The following DNAAF4 variants were observed in gnomAD, a reference collection of about 807,000 sequenced individuals.
The protein encoded by DNAAF4 is dynein axonemal assembly factor 4.
In DNAAF4, 43 loss-of-function variants were observed where a neutral mutation model predicts 51.8. The ratio of observed to expected loss-of-function variants is 0.83; its 90% CI spans 0.65 to 1.07. The LOEUF (loss-of-function observed/expected upper bound fraction) is 1.07, where lower values mean the gene tolerates loss of function less well. DNAAF4 is among the 50% of genes least tolerant of loss of function. DNAAF4 has a pLI of 0.00. For missense variants in DNAAF4, 581 were observed against 493.0 expected, an observed-to-expected ratio of 1.18 and a Z score of -1.69; for synonymous variants, 194 against 165.6, an observed-to-expected ratio of 1.17 and a Z score of -1.32.
intron 6 of DNAAF4, chr15:55,442,844 C>T (rs750581084): frequency 7.6e-5 from 123 of 1,612,704 alleles, no homozygotes; most frequent in Non-Finnish European, 1.0e-4. Context: ...ATTCCCCCAG[C>T]CATCATTGCA....
chr15:55,489,542 G>A (rs1595950178), intron 4 of DNAAF4, among the ~76,000 whole-genome samples: 1 of 151,888 alleles, frequency 6.6e-6, no homozygotes, highest in Non-Finnish European at 1.5e-5. Context: ...AGGCGTGGTG[G>A]TGCACATCTG....
rs1307281123 is a variant in DNAAF4, at chr15:55,491,297, A to C, written c.272-41T>G. 3 of 1,577,850 alleles carry C rather than the reference A, an allele frequency of 1.9e-6. No individual in the cohort carries two copies. The Admixed American group carries it at 5.4e-5, about 28-fold the overall frequency. On this transcript the variant is annotated intron_variant, in intron 3 of 9. Coordinates refer to ENST00000321149, the MANE Select transcript of DNAAF4 (RefSeq NM_130810.4). ...TATTGCTAAATTAGAATTATGACAAATTTGCTTTACTTATGAGAAAACTAC... is the reference window on the plus strand; with the variant it reads ...TATTGCTAAATTAGAATTATGACAACTTTGCTTTACTTATGAGAAAACTAC...
At position 55,501,070 on chromosome 15, in the gene DNAAF4, G is replaced by T. The variant is rs193254803; in HGVS notation, c.-255-2486C>A. ...TATTGGAGTAAGAAAGGATTTTTTTGTTGTTGTTTTTTCAGACGGAGTCTC... is the reference window on the plus strand; with the variant it reads ...TATTGGAGTAAGAAAGGATTTTTTTTTTGTTGTTTTTTCAGACGGAGTCTC... On this transcript the variant is annotated intron_variant, in intron 1 of 9. Transcript: ENST00000321149. 7.4e-3 allele frequency among the ~76,000 whole-genome samples: 1,106 copies of T among 149,738 alleles called. 15 individuals are homozygous for T. Among genetic ancestry groups the T allele is most frequent in the Non-Finnish European group, 0.012 (820 of 67,422 alleles).
At position 55,494,031 on chromosome 15, in the gene DNAAF4, GT is replaced by G. The variant is rs58176526; in HGVS notation, c.272-2776del. Among the ~76,000 whole-genome samples the G allele has an allele frequency of 7.3e-3, 1,003 of 138,068 alleles. 3 individuals are homozygous for G. The highest frequency in any genetic ancestry group is 0.012 in the Non-Finnish European group (739 of 62,954). 90.6% of individuals were successfully genotyped at this position (138,068 alleles called of 152,430 possible). ...CAAAACTGAGTTTGATTTCTTTCTT[GT>G]TTTTTTTTTTTTTTGAGACTGAGTT... On this transcript the variant is annotated intron_variant, in intron 3 of 9. Transcript: ENST00000321149.
intron 1 of DNAAF4, among the ~76,000 whole-genome samples, chr15:55,502,284 T>C (rs1397741272): frequency 6.6e-6 from 1 of 152,132 alleles, no homozygotes; most frequent in African/African-American, 2.4e-5. Flanking sequence ...GCAAGGGTAA[T>C]TCTATTGATG....
rs1254074541 is a variant in DNAAF4 at position 55,455,216 on chromosome 15, T to TAA, written c.638-4850_638-4849insTT. Among the ~76,000 whole-genome samples, 3 of 149,880 alleles carry TAA rather than the reference T, an allele frequency of 2.0e-5. No homozygotes were observed. The East Asian group carries it at 5.8e-4, about 29-fold the overall frequency. ...GCCTTAAAACAACAGGTATTTCTCT[T>TAA]ATCTAACTATATTGTTTCAAATAGT... On this transcript the variant is annotated intron_variant, in intron 5 of 9. Coordinates refer to ENST00000321149, the MANE Select transcript of DNAAF4 (RefSeq NM_130810.4).
intron 4 of DNAAF4, among the ~76,000 whole-genome samples, chr15:55,470,100 G>A (rs1257927206): frequency 1.3e-5 from 2 of 151,240 alleles, no homozygotes; most frequent in African/African-American, 4.9e-5. Context: ...TGCCCAGGCT[G>A]GAGTGCAGTG....
intron 6 of DNAAF4, among the ~76,000 whole-genome samples, chr15:55,446,301 G>GGA (rs555771971): frequency 9.0e-5 from 6 of 66,920 alleles, no homozygotes; most frequent in African/African-American, 3.9e-4. Flanking sequence ...CCAGACGGGG[G>GGA]GGGGGGGCAG....
intron 5 of DNAAF4, among the ~76,000 whole-genome samples, chr15:55,454,378 G>A (rs2057985528): frequency 6.6e-6 from 1 of 151,712 alleles, no homozygotes; most frequent in Non-Finnish European, 1.5e-5. Flanking sequence ...ATATTTGTTT[G>A]TTTTTGTTTT....
At chr15:55,437,581 G>C (rs1315673017) in intron 7 of DNAAF4, among the ~76,000 whole-genome samples, 1 of 152,044 alleles carries the variant, frequency 6.6e-6, no homozygotes, top group South Asian at 2.1e-4. Flanking sequence ...AAAGGACTTT[G>C]CACATGTGAA....
intron 6 of DNAAF4, chr15:55,443,492 G>A (rs2057748175): frequency 5.8e-6 from 3 of 515,618 alleles, no homozygotes; most frequent in Non-Finnish European, 1.0e-5. Flanking sequence ...ATTGTGAATA[G>A]TGCTGCAATA....
chr15:55,487,880 G>A (rs972498346), intron 4 of DNAAF4, among the ~76,000 whole-genome samples: 6 of 152,080 alleles, frequency 3.9e-5, no homozygotes, highest in African/African-American at 1.4e-4. Context: ...CTCTTTCCAA[G>A]AAGTATAGTC....
Position 55,430,489 on chromosome 15 carries a change from C to G in DNAAF4, c.*181G>C, listed in dbSNP as rs2057475815. ...TAAAATAGATTCTTATTTAGATTTA[C>G]TTATTCAGAAATGATTCAAGTCAAA... On this transcript the variant is annotated 3_prime_UTR_variant, in exon 10 of 10. Coordinates refer to ENST00000321149, the MANE Select transcript of DNAAF4 (RefSeq NM_130810.4). The G allele has an allele frequency of 8.7e-7, 1 of 1,146,296 alleles. No individual in the cohort carries two copies. The highest frequency in any genetic ancestry group is 1.1e-6 in the Non-Finnish European group (1 of 915,628). 71.0% of individuals were successfully genotyped at this position (1,146,296 alleles called of 1,614,324 possible).
chr15:55,494,892 A>C (rs989802331), intron 3 of DNAAF4, among the ~76,000 whole-genome samples: 2 of 152,176 alleles, frequency 1.3e-5, no homozygotes, highest in African/African-American at 2.4e-5. Context: ...AATTAGATGA[A>C]ATTCAAATTT....
intron 4 of DNAAF4, among the ~76,000 whole-genome samples, chr15:55,469,339 AG>A (rs1384411565): frequency 1.3e-5 from 2 of 151,902 alleles, no homozygotes; most frequent in Non-Finnish European, 2.9e-5. Flanking sequence ...CAAAAAAAAA[AG>A]AAAGAAAGAA....
chr15:55,443,780 C>T (rs1348381418), intron 6 of DNAAF4, among the ~76,000 whole-genome samples: 3 of 152,210 alleles, frequency 2.0e-5, no homozygotes, highest in Non-Finnish European at 4.4e-5. Context: ...TTTTGATTTG[C>T]ATTTCTCTGA....
chr15:55,493,515 C>G (rs2141592724), intron 3 of DNAAF4, among the ~76,000 whole-genome samples: 1 of 151,942 alleles, frequency 6.6e-6, no homozygotes, highest in South Asian at 2.1e-4. Context: ...ATTAACTTCC[C>G]AAATGAAATA....
rs749726912 is a variant in DNAAF4 at position 55,497,700 on chromosome 15, TAAAG to T, written c.271+8_271+11del. 1 of 1,592,170 alleles carries T rather than the reference TAAAG, an allele frequency of 6.3e-7. No homozygotes were observed. The highest frequency in any genetic ancestry group is 8.5e-7 in the Non-Finnish European group (1 of 1,172,400). ...GTACAACCAGATGAACATCTTTTAA[TAAAG>T]AACTTACCACCCGTCACAGAAAGGG... On this transcript the variant is annotated splice_region_variant and intron_variant, in intron 3 of 9. Transcript: ENST00000321149.
chr15:55,428,484 C>CTTT (rs747325376), downstream of DNAAF4, among the ~76,000 whole-genome samples: 44 of 85,074 alleles, frequency 5.2e-4, 2 homozygotes, highest in African/African-American at 7.5e-4. Flanking sequence ...TCTTTTTTTT[C>CTTT]TTTTTTTTTT....
Sources: allele counts gnomAD v4.1 joint callset (sites outside exome capture counted in the v4.1 genomes callset), GRCh38; gene constraint gnomAD v4.1.1; transcripts MANE v1.5; gene names NCBI Gene and HGNC (gene_info 2026-07-23, HGNC 2026-07-21).